EPHA5: variants seen among roughly 807,000 people sequenced by gnomAD.
The protein encoded by EPHA5 is ephrin type-A receptor 5.
In EPHA5, 60 loss-of-function variants were observed where a neutral mutation model predicts 105.0. The ratio of observed to expected loss-of-function variants is 0.57; its 90% CI spans 0.46 to 0.71. The LOEUF is 0.71. Among genes scored for constraint, EPHA5 ranks in the 30% least tolerant of loss-of-function variants. The probability of loss-of-function intolerance (pLI) is 0.00; values close to 1 mark genes in which losing one functional copy is unlikely to be tolerated. For synonymous variants in EPHA5, 513 were observed against 449.1 expected, an observed-to-expected ratio of 1.14 and a Z score of -1.80; for missense variants, 1,218 against 1,274.7, an observed-to-expected ratio of 0.96 and a Z score of 0.68.
At chr4:65,509,827 T>A (rs1260514227) in intron 3 of EPHA5, among the ~76,000 whole-genome samples, 3 of 152,126 alleles carry the variant, frequency 2.0e-5, no homozygotes, top group African/African-American at 7.2e-5. Context: ...ATTAGCATAA[T>A]CATCAGATGA....
intron 2 of EPHA5, among the ~76,000 whole-genome samples, chr4:65,636,446 C>A (rs1002024213): frequency 2.0e-5 from 3 of 152,000 alleles, no homozygotes; most frequent in African/African-American, 7.2e-5. Flanking sequence ...GTTGGATGAC[C>A]TGGGATTGAA....
intron 3 of EPHA5, among the ~76,000 whole-genome samples, chr4:65,497,555 C>T (rs933952440): frequency 6.6e-6 from 1 of 152,074 alleles, no homozygotes; most frequent in African/African-American, 2.4e-5. Flanking sequence ...CTAAGTTATT[C>T]AATTTTTCTT....
At chr4:65,607,751 A>C (rs1339878350) in intron 2 of EPHA5, among the ~76,000 whole-genome samples, 1 of 152,210 alleles carries the variant, frequency 6.6e-6, no homozygotes, top group African/African-American at 2.4e-5. Flanking sequence ...AAATTAGTTC[A>C]ACCATTGTGG....
At chr4:65,654,945 A>G (rs1318190481) in intron 1 of EPHA5, among the ~76,000 whole-genome samples, 1 of 148,574 alleles carries the variant, frequency 6.7e-6, no homozygotes, top group Non-Finnish European at 1.5e-5. Flanking sequence ...TGATATATGT[A>G]TATATATCAA....
At chr4:65,402,132 C>T (rs1423523995) in intron 8 of EPHA5, among the ~76,000 whole-genome samples, 1 of 152,032 alleles carries the variant, frequency 6.6e-6, no homozygotes, top group Non-Finnish European at 1.5e-5. Context: ...ACTCTTCCCC[C>T]TTGGTTCCTC....
At chr4:65,445,235 G>A (rs895611817) in intron 5 of EPHA5, among the ~76,000 whole-genome samples, 1 of 151,938 alleles carries the variant, frequency 6.6e-6, no homozygotes, top group African/African-American at 2.4e-5. Flanking sequence ...TTTGTTATAT[G>A]CACATTTTAA....
chr4:65,503,942 CACAT>C (rs1415832201), intron 3 of EPHA5, among the ~76,000 whole-genome samples: 5 of 144,332 alleles, frequency 3.5e-5, no homozygotes, highest in South Asian at 4.4e-4. Flanking sequence ...CACACACACA[CACAT>C]ATATTTAACC....
intron 5 of EPHA5, among the ~76,000 whole-genome samples, chr4:65,482,062 A>T (rs1248524296): frequency 1.3e-5 from 2 of 152,080 alleles, no homozygotes; most frequent in African/African-American, 4.8e-5. Flanking sequence ...CTTTGGGAGG[A>T]CGAGGCAGGT....
intron 8 of EPHA5, among the ~76,000 whole-genome samples, chr4:65,402,824 G>C (rs779334258): frequency 6.6e-6 from 1 of 152,120 alleles, no homozygotes; most frequent in Non-Finnish European, 1.5e-5. Context: ...AGTAGTTACA[G>C]TTCTTGCAAC....
chr4:65,343,660 G>C (rs1378156402), intron 14 of EPHA5, among the ~76,000 whole-genome samples: 1 of 152,244 alleles, frequency 6.6e-6, no homozygotes, highest in African/African-American at 2.4e-5. Context: ...AATTTGGACA[G>C]AAATTAAGGC....
intron 3 of EPHA5, among the ~76,000 whole-genome samples, chr4:65,503,798 T>A (rs959139918): frequency 1.3e-5 from 2 of 151,654 alleles, no homozygotes; most frequent in African/African-American, 2.4e-5. Context: ...CACTTATACA[T>A]TACCCGTCAC....
chr4:65,575,046 G>A (rs943581028), intron 3 of EPHA5, among the ~76,000 whole-genome samples: 1 of 151,598 alleles, frequency 6.6e-6, no homozygotes, highest in African/African-American at 2.4e-5. Context: ...TTTAAATTGG[G>A]AAAAGAATGC....
intron 8 of EPHA5, among the ~76,000 whole-genome samples, chr4:65,392,625 T>C (rs920590745): frequency 6.6e-6 from 1 of 152,184 alleles, no homozygotes; most frequent in Non-Finnish European, 1.5e-5. Context: ...AGTGAGGATT[T>C]ATTAACTCCT....
intron 2 of EPHA5, among the ~76,000 whole-genome samples, chr4:65,607,911 A>C (rs2149451588): frequency 6.6e-6 from 1 of 152,342 alleles, no homozygotes; most frequent in Middle Eastern, 3.4e-3. Flanking sequence ...TGATCACAAT[A>C]ACAAAGACAT....
At chr4:65,440,499 TACACACACAC>T (rs71657410) in intron 5 of EPHA5, among the ~76,000 whole-genome samples, 5 of 143,358 alleles carry the variant, frequency 3.5e-5, no homozygotes, top group African/African-American at 5.2e-5. Flanking sequence ...TCCTAAATCT[TACACACACAC>T]ACACACACAC....
At chr4:65,524,357 A>G (rs998212492) in intron 3 of EPHA5, among the ~76,000 whole-genome samples, 2 of 151,856 alleles carry the variant, frequency 1.3e-5, no homozygotes, top group African/African-American at 4.8e-5. Flanking sequence ...AATTGTTCAT[A>G]TAATATCCTT....
intron 1 of EPHA5, among the ~76,000 whole-genome samples, chr4:65,644,581 A>C (rs968881596): frequency 1.3e-5 from 2 of 152,114 alleles, no homozygotes; most frequent in African/African-American, 4.8e-5. Flanking sequence ...AAGGAATAAC[A>C]GTTGATAGGC....
At chr4:65,560,226 T>G (rs66875662) in intron 3 of EPHA5, among the ~76,000 whole-genome samples, 35,927 of 152,126 alleles carry the variant, frequency 0.24, 4,374 homozygotes, top group Admixed American at 0.27. Context: ...TATATTCACA[T>G]AAGATTTTTC....
At chr4:65,516,794 A>C (rs779671877) in intron 3 of EPHA5, among the ~76,000 whole-genome samples, 14 of 152,060 alleles carry the variant, frequency 9.2e-5, no homozygotes, top group Non-Finnish European at 1.8e-4. Context: ...ACTCCATACA[A>C]TGTTGACTAG....
Sources: allele counts gnomAD v4.1 joint callset (sites outside exome capture counted in the v4.1 genomes callset), GRCh38; gene constraint gnomAD v4.1.1; transcripts MANE v1.5; gene names NCBI Gene and HGNC (gene_info 2026-07-23, HGNC 2026-07-21).